Variants in SEPTIN7 observed in about 807,000 individuals in gnomAD.
SEPTIN7 encodes septin 7, also known as septin-7.
In SEPTIN7, 10 loss-of-function variants were observed where a neutral mutation model predicts 63.3. That is an observed-to-expected ratio of 0.16 (90% CI 0.10 to 0.27). The LOEUF is 0.27. SEPTIN7 is among the 10% of genes least tolerant of loss of function. SEPTIN7 has a pLI of 1.00. For missense variants in SEPTIN7, 310 were observed against 521.0 expected (o/e 0.59, Z 3.94); for synonymous variants, 131 against 165.3 (o/e 0.79, Z 1.59).
chr7:35,826,717 A>G (rs1783534489), intron 1 of SEPTIN7, among the ~76,000 whole-genome samples: 4 of 152,060 alleles, frequency 2.6e-5, no homozygotes, highest in Non-Finnish European at 4.4e-5. Flanking sequence ...CCCCTTGATC[A>G]ATTTTTTGTT....
intron 6 of SEPTIN7, chr7:35,874,167 C>T (rs114982604): frequency 1.3e-5 from 2 of 157,118 alleles, no homozygotes; most frequent in African/African-American, 4.8e-5. Flanking sequence ...TTATAAGTTT[C>T]ATAGAAATGA....
At chr7:35,818,926 G>A (rs766014769) in intron 1 of SEPTIN7, among the ~76,000 whole-genome samples, 2 of 151,488 alleles carry the variant, frequency 1.3e-5, no homozygotes, top group Non-Finnish European at 3.0e-5. Context: ...CTAACTTGTG[G>A]TTTTGTTAAT....
intron 1 of SEPTIN7, among the ~76,000 whole-genome samples, chr7:35,811,616 G>A (rs1479609424): frequency 1.3e-5 from 2 of 152,224 alleles, no homozygotes; most frequent in Non-Finnish European, 2.9e-5. Flanking sequence ...CATGGTGGCA[G>A]TGGTTCTCAT....
the SEPTIN7 span, among the ~76,000 whole-genome samples, chr7:35,914,713 T>C: frequency 0.33 from 49,717 of 151,660 alleles, 8,420 homozygotes; most frequent in East Asian, 0.48. Context: ...TGTACACATA[T>C]GTATATATAC....
At chr7:35,829,205 G>A (rs529862825) in intron 1 of SEPTIN7, among the ~76,000 whole-genome samples, 4 of 138,862 alleles carry the variant, frequency 2.9e-5, no homozygotes, top group East Asian at 2.1e-4. Flanking sequence ...GCACGATCTC[G>A]GCTCACTGCA....
At position 35,885,815 on chromosome 7, in the gene SEPTIN7, T is replaced by C; in HGVS notation, c.821-13T>C. ...TGGAAATATAACATATGCGGTCTGCTTTTTTCTTACAGTTGAAAATGGTGA... is the reference window on the plus strand; with the variant it reads ...TGGAAATATAACATATGCGGTCTGCCTTTTTCTTACAGTTGAAAATGGTGA... On this transcript the variant is annotated splice_polypyrimidine_tract_variant and intron_variant, in intron 9 of 13. Transcript: ENST00000350320. 6.3e-7 allele frequency: 1 copy of C among 1,596,324 alleles called. No individual in the cohort carries two copies. The highest frequency in any genetic ancestry group is 2.2e-5 in the East Asian group (1 of 44,530).
chr7:35,844,926 G>A (rs1275884298), intron 3 of SEPTIN7, among the ~76,000 whole-genome samples: 3 of 152,030 alleles, frequency 2.0e-5, no homozygotes, highest in Admixed American at 1.3e-4. Context: ...ATTGTGTTGT[G>A]ATTACAAAAA....
chr7:35,830,559 AT>A (rs1783782563), intron 1 of SEPTIN7, among the ~76,000 whole-genome samples: 1 of 152,204 alleles, frequency 6.6e-6, no homozygotes, highest in Non-Finnish European at 1.5e-5. Context: ...GTAGGCCATC[AT>A]TGGGACTTCG....
chr7:35,907,430 G>T (rs1269781176), downstream of SEPTIN7, among the ~76,000 whole-genome samples: 1 of 152,108 alleles, frequency 6.6e-6, no homozygotes, highest in Admixed American at 6.5e-5. Flanking sequence ...AATTGGGTAA[G>T]TTATCTCTTA....
At chr7:35,878,808 AT>A (rs1391254986) in intron 6 of SEPTIN7, among the ~76,000 whole-genome samples, 1 of 152,122 alleles carries the variant, frequency 6.6e-6, no homozygotes, top group Non-Finnish European at 1.5e-5. Context: ...TGAGCTTTTG[AT>A]TTTAAGGAGC....
intron 1 of SEPTIN7, among the ~76,000 whole-genome samples, chr7:35,802,748 G>A (rs1326346345): frequency 6.6e-6 from 1 of 152,048 alleles, no homozygotes; most frequent in African/African-American, 2.4e-5. Flanking sequence ...GTCAGCTATT[G>A]CTGCTTGGAT....
chr7:35,886,998 C>G (rs1320218302), intron 10 of SEPTIN7, among the ~76,000 whole-genome samples: 7 of 152,154 alleles, frequency 4.6e-5, no homozygotes, highest in Non-Finnish European at 1.0e-4. Context: ...TTGAGGTTGC[C>G]AGGCCTCACT....
At chr7:35,831,869 T>G (rs1783848883) in intron 2 of SEPTIN7, 3 of 293,040 alleles carry the variant, frequency 1.0e-5, no homozygotes, top group South Asian at 2.9e-5. Context: ...ATCCCATGAT[T>G]GCTTTTTAAA....
At position 35,827,183 on chromosome 7, in the gene SEPTIN7, C is replaced by G. The variant is rs867172105; in HGVS notation, c.62-4309C>G. On this transcript the variant is annotated intron_variant, in intron 1 of 13. Coordinates refer to ENST00000350320, the MANE Select transcript of SEPTIN7 (RefSeq NM_001788.6). The stretch of plus-strand genomic sequence containing the variant: ...AGAAAAGATTATTTGATAAATGTTT[C>G]TTCTTAAATGACTAATGTTTGAAAT... 3.9e-5 allele frequency among the ~76,000 whole-genome samples: 6 copies of G among 152,228 alleles called. 1 individual carries two copies. In the Middle Eastern group the frequency reaches 0.017, roughly 431 times the overall value.
intron 3 of SEPTIN7, among the ~76,000 whole-genome samples, chr7:35,854,992 T>C (rs1014537154): frequency 6.6e-6 from 1 of 152,156 alleles, no homozygotes; most frequent in Non-Finnish European, 1.5e-5. Context: ...AACTAAATTC[T>C]AAAGATATTT....
the SEPTIN7 span, among the ~76,000 whole-genome samples, chr7:35,913,532 CTTCCTTCCTTCT>C: frequency 2.8e-5 from 4 of 141,124 alleles, no homozygotes. Flanking sequence ...TCTTTCTTTC[CTTCCTTCCTTCT>C]TTCCTTCCTT....
At chr7:35,851,569 C>G (rs1784962269) in intron 3 of SEPTIN7, among the ~76,000 whole-genome samples, 1 of 152,000 alleles carries the variant, frequency 6.6e-6, no homozygotes, top group Non-Finnish European at 1.5e-5. Context: ...GAACTCTATT[C>G]TTAAATGTTT....
chr7:35,890,240 TTTA>T (rs966263308), intron 10 of SEPTIN7, among the ~76,000 whole-genome samples: 12 of 152,210 alleles, frequency 7.9e-5, no homozygotes, highest in African/African-American at 2.4e-4. Flanking sequence ...TGATCTGAAA[TTTA>T]TTATTATGTA....
chr7:35,849,827 C>T (rs908990863), intron 3 of SEPTIN7, among the ~76,000 whole-genome samples: 3 of 152,162 alleles, frequency 2.0e-5, no homozygotes, highest in Admixed American at 6.5e-5. Flanking sequence ...ACTTATTTGG[C>T]ATTACTGACC....
Sources: gnomAD v4.1 joint callset for allele counts (sites outside exome capture counted in the v4.1 genomes callset) on GRCh38, gnomAD v4.1.1 for gene constraint, MANE v1.5 for transcripts, NCBI Gene and HGNC (gene_info 2026-07-23, HGNC 2026-07-21) for gene names.